Variants in PLEKHA8 observed in about 807,000 individuals in gnomAD.
PLEKHA8 encodes pleckstrin homology domain containing A8, also known as pleckstrin homology domain-containing family A member 8.
PLEKHA8 carries 36 observed loss-of-function variants against 68.2 expected under a neutral mutation model. The ratio of observed to expected loss-of-function variants is 0.53; its 90% CI spans 0.40 to 0.70. The LOEUF (loss-of-function observed/expected upper bound fraction) is 0.70, where lower values mean the gene tolerates loss of function less well. PLEKHA8 is among the 30% of genes least tolerant of loss of function. The pLI is 0.00. For synonymous variants in PLEKHA8, 211 were observed against 216.1 expected, an observed-to-expected ratio of 0.98 and a Z score of 0.20; for missense variants, 505 against 615.4, an observed-to-expected ratio of 0.82 and a Z score of 1.90.
At chr7:30,056,746 T>TAAA (rs1562870896) in intron 9 of PLEKHA8, among the ~76,000 whole-genome samples, 2 of 34,528 alleles carry the variant, frequency 5.8e-5, no homozygotes, top group African/African-American at 8.9e-5. Context: ...AAAAAAAGTG[T>TAAA]GTGTGTGTGT....
intron 1 of PLEKHA8, among the ~76,000 whole-genome samples, chr7:30,040,791 C>T (rs1034378762): frequency 2.6e-5 from 4 of 152,010 alleles, no homozygotes; most frequent in Admixed American, 6.6e-5. Flanking sequence ...ATAGCTAATA[C>T]GAGCTAAAAC....
At chr7:30,069,910 G>T (rs984281468) in intron 12 of PLEKHA8, 1 of 152,070 alleles carries the variant, frequency 6.6e-6, no homozygotes, top group Admixed American at 6.6e-5. Context: ...TGGGAGAAGG[G>T]TATCATTTAT....
chr7:30,028,892 G>C (rs375038278), intron 1 of PLEKHA8, 90 bp downstream of exon 1: 21 of 1,208,544 alleles, frequency 1.7e-5, no homozygotes, highest in Middle Eastern at 2.1e-4. Flanking sequence ...TCTTAGGGAG[G>C]GGGTCACGGC....
chr7:30,096,769 C>G (rs1211622465), intron 13 of PLEKHA8, among the ~76,000 whole-genome samples: 6 of 152,198 alleles, frequency 3.9e-5, no homozygotes, highest in African/African-American at 2.4e-5. Context: ...TGGGTCTTGA[C>G]TCTTTATCCA....
chr7:30,117,295 T>A (rs1017576178), intron 13 of PLEKHA8, among the ~76,000 whole-genome samples: 2 of 152,226 alleles, frequency 1.3e-5, no homozygotes, highest in Non-Finnish European at 1.5e-5. Flanking sequence ...CACTATACAA[T>A]GTCTTGGCCA....
Position 30,047,962 on chromosome 7 carries a change from ATAT to A in PLEKHA8, c.438+11_438+13del. ...CTGGTGTGTCCAATTCTGAGGTAAA[ATAT>A]TATTTATTAATATTATTAATATACA... On this transcript the variant is annotated splice_region_variant and intron_variant, in intron 4 of 13. Transcript: ENST00000449726. 2 of 1,381,600 alleles carry A rather than the reference ATAT, an allele frequency of 1.4e-6. No homozygotes were observed. The highest frequency in any genetic ancestry group is 1.9e-6 in the Non-Finnish European group (2 of 1,052,108). The allele number at this position is 1,381,600 out of a possible 1,614,324, so 85.6% of individuals were successfully genotyped here. A position where few individuals can be genotyped will look rare whatever the true frequency, so the allele number is the denominator to read the frequency against.
At chr7:30,117,031 G>A (rs1227228374) in intron 13 of PLEKHA8, among the ~76,000 whole-genome samples, 2 of 152,166 alleles carry the variant, frequency 1.3e-5, no homozygotes, top group East Asian at 1.9e-4. Context: ...CTTTGTCACC[G>A]CCTTTCCGTC....
chr7:30,085,026 C>T (rs1489213178), downstream of PLEKHA8, among the ~76,000 whole-genome samples: 5 of 151,622 alleles, frequency 3.3e-5, no homozygotes, highest in Admixed American at 6.6e-5. Context: ...CTCGCTGTGA[C>T]CTCCACTTCC....
chr7:30,081,977 A>T lies in PLEKHA8; in HGVS notation c.*3190A>T, dbSNP rs1794954228. 1.4e-5 allele frequency: 13 copies of T among 943,360 alleles called. No individual in the cohort carries two copies. The highest frequency in any genetic ancestry group is 1.5e-5 in the Non-Finnish European group (12 of 791,862). The allele number at this position is 943,360 out of a possible 1,614,324, so 58.4% of individuals were successfully genotyped here. ...TGGTGAAAAATGTTAAATTGGAGAG[A>T]TCCCTTTTGGGAGTGAAACCAAATT... On this transcript the variant is annotated 3_prime_UTR_variant, in exon 14 of 14. Coordinates refer to ENST00000449726, the MANE Select transcript of PLEKHA8 (RefSeq NM_001197026.2).
intron 1 of PLEKHA8, among the ~76,000 whole-genome samples, chr7:30,039,288 G>A (rs1289474107): frequency 3.9e-5 from 6 of 152,304 alleles, no homozygotes; most frequent in Non-Finnish European, 5.9e-5. Context: ...GCCGAGGTGG[G>A]TGGATCACCT....
chr7:30,075,283 G>C (rs556732586), intron 13 of PLEKHA8, among the ~76,000 whole-genome samples: 5 of 152,102 alleles, frequency 3.3e-5, no homozygotes, highest in Non-Finnish European at 7.4e-5. Context: ...CTGTTCACTG[G>C]GATAGGTGCT....
chr7:30,117,006 C>T (rs1796590341), intron 13 of PLEKHA8, among the ~76,000 whole-genome samples: 2 of 152,188 alleles, frequency 1.3e-5, no homozygotes, highest in Non-Finnish European at 2.9e-5. Flanking sequence ...CTTGGTCTTG[C>T]AAATGTAGGT....
chr7:30,049,579 CA>C (rs1238252550), intron 5 of PLEKHA8, 197 bp downstream of exon 5: 6 of 631,616 alleles, frequency 9.5e-6, no homozygotes, highest in Non-Finnish European at 1.5e-5. Context: ...ACCACCTAAA[CA>C]TGTTTCTAAT....
At chr7:30,028,836 G>C in intron 1 of PLEKHA8, 34 bp downstream of exon 1, 1 of 1,252,582 alleles carries the variant, frequency 8.0e-7, no homozygotes, top group Non-Finnish European at 1.0e-6. Flanking sequence ...GGCGCGCCGG[G>C]GGCCGGTCCT....
intron 12 of PLEKHA8, among the ~76,000 whole-genome samples, chr7:30,070,159 A>G (rs1227059184): frequency 6.7e-6 from 1 of 149,172 alleles, no homozygotes; most frequent in South Asian, 2.1e-4. Flanking sequence ...CTTTTATTTC[A>G]TTTGTTGGTT....
At chr7:30,063,912 C>T (rs1407853028) in intron 12 of PLEKHA8, among the ~76,000 whole-genome samples, 1 of 152,218 alleles carries the variant, frequency 6.6e-6, no homozygotes, top group Non-Finnish European at 1.5e-5. Flanking sequence ...GGGCCACCTG[C>T]ATTTTTACAT....
chr7:30,095,116 GGTTGAACTA>G (rs1795559772), downstream of PLEKHA8, among the ~76,000 whole-genome samples: 1 of 152,174 alleles, frequency 6.6e-6, no homozygotes, highest in Non-Finnish European at 1.5e-5. Context: ...CTTCCACAAT[GGTTGAACTA>G]GTTTACAGTC....
intron 13 of PLEKHA8, among the ~76,000 whole-genome samples, chr7:30,115,548 AC>A (rs1263767705): frequency 4.0e-5 from 2 of 50,590 alleles, no homozygotes; most frequent in African/African-American, 8.2e-5. Flanking sequence ...GTACACATGC[AC>A]GTATACATGT....
chr7:30,050,621 T>C, intron 6 of PLEKHA8, 147 bp downstream of exon 6: 1 of 1,120,670 alleles, frequency 8.9e-7, no homozygotes, highest in Admixed American at 3.2e-5. Flanking sequence ...ACTTTCCTCT[T>C]TTGAGTGAGC....
Sources: allele counts gnomAD v4.1 joint callset (sites outside exome capture counted in the v4.1 genomes callset), GRCh38; gene constraint gnomAD v4.1.1; transcripts MANE v1.5; gene names NCBI Gene and HGNC (gene_info 2026-07-23, HGNC 2026-07-21).